Variants in PIK3C2G observed in about 807,000 individuals in gnomAD.
PIK3C2G encodes the protein phosphatidylinositol-4-phosphate 3-kinase catalytic subunit type 2 gamma, also known as phosphatidylinositol 3-kinase C2 domain-containing subunit gamma.
Under a neutral mutation model 181.1 loss-of-function variants are expected in PIK3C2G, and 168 were observed. The observed-to-expected ratio is 0.93, with a 90% CI of 0.82 to 1.05. The LOEUF (loss-of-function observed/expected upper bound fraction) is 1.05, where lower values mean the gene tolerates loss of function less well. PIK3C2G is among the 50% of genes least tolerant of loss of function. The pLI, the probability that PIK3C2G is intolerant of heterozygous loss-of-function variation, is 0.00. For synonymous variants in PIK3C2G, 573 were observed against 592.2 expected (o/e 0.97, Z 0.47); for missense variants, 1,869 against 1,732.8 (o/e 1.08, Z -1.40).
intron 18 of PIK3C2G, among the ~76,000 whole-genome samples, chr12:18,460,291 T>A (rs1282407525): frequency 2.0e-5 from 3 of 152,068 alleles, no homozygotes; most frequent in African/African-American, 7.2e-5. Flanking sequence ...TAAAACTAAT[T>A]GTCCAGGTGC....
chr12:18,509,924 A>G (rs1942099817), intron 24 of PIK3C2G, among the ~76,000 whole-genome samples: 1 of 152,206 alleles, frequency 6.6e-6, no homozygotes, highest in African/African-American at 2.4e-5. Context: ...GAATTTCTCC[A>G]GCTCTCTGAA....
intron 22 of PIK3C2G, among the ~76,000 whole-genome samples, chr12:18,498,041 A>AT (rs1414777154): frequency 6.6e-6 from 1 of 152,032 alleles, no homozygotes; most frequent in Non-Finnish European, 1.5e-5. Flanking sequence ...ACTTACTGTT[A>AT]TTTTTCTCAT....
At chr12:18,524,624 A>ATCG (rs1385201994) in intron 24 of PIK3C2G, among the ~76,000 whole-genome samples, 1 of 150,354 alleles carries the variant, frequency 6.7e-6, no homozygotes, top group African/African-American at 2.5e-5. Flanking sequence ...GAAGTGCAAC[A>ATCG]TCGCAATCTT....
At chr12:18,699,130 CAG>C in the PIK3C2G span, among the ~76,000 whole-genome samples, 1 of 152,230 alleles carries the variant, frequency 6.6e-6, no homozygotes, top group South Asian at 2.1e-4. Context: ...AAGGAAGATG[CAG>C]AGACAGATGG....
chr12:18,457,852 C>T (rs1035944312), intron 18 of PIK3C2G, among the ~76,000 whole-genome samples: 1 of 151,982 alleles, frequency 6.6e-6, no homozygotes, highest in Non-Finnish European at 1.5e-5. Context: ...TTTATAATAA[C>T]CAAAACCTAA....
At chr12:18,543,392 T>A (rs1260356585) in intron 25 of PIK3C2G, among the ~76,000 whole-genome samples, 1 of 152,070 alleles carries the variant, frequency 6.6e-6, no homozygotes, top group Non-Finnish European at 1.5e-5. Flanking sequence ...CTCTTAAGTT[T>A]AATTAGATCC....
chr12:18,281,681 C>T (rs1252051905), intron 1 of PIK3C2G, among the ~76,000 whole-genome samples: 1 of 151,896 alleles, frequency 6.6e-6, no homozygotes, highest in Non-Finnish European at 1.5e-5. Context: ...TTATAGATTT[C>T]CCTCTGTAGT....
chr12:18,361,859 G>A (rs566634405), intron 11 of PIK3C2G, among the ~76,000 whole-genome samples: 1 of 152,238 alleles, frequency 6.6e-6, no homozygotes, highest in African/African-American at 2.4e-5. Context: ...CTGAAGTGTT[G>A]GACATATGCT....
intron 17 of PIK3C2G, among the ~76,000 whole-genome samples, chr12:18,423,171 G>A (rs985685625): frequency 6.6e-6 from 1 of 151,606 alleles, no homozygotes; most frequent in Non-Finnish European, 1.5e-5. Flanking sequence ...GTGTGTGTAA[G>A]AGAGAGAGAC....
chr12:18,325,167 A>T, intron 8 of PIK3C2G, 69 bp downstream of exon 8: 1 of 866,192 alleles, frequency 1.2e-6, no homozygotes, highest in Non-Finnish European at 1.8e-6. Flanking sequence ...TTTTTCTAAA[A>T]CTTTGCAAAT....
At chr12:18,265,677 C>A (rs1395981688) in intron 1 of PIK3C2G, among the ~76,000 whole-genome samples, 1 of 151,886 alleles carries the variant, frequency 6.6e-6, no homozygotes, top group Admixed American at 6.6e-5. Context: ...TTTGGTAATA[C>A]TTTTAACTTT....
intron 31 of PIK3C2G, among the ~76,000 whole-genome samples, chr12:18,616,317 C>T (rs1948606137): frequency 6.6e-6 from 1 of 151,958 alleles, no homozygotes; most frequent in South Asian, 2.1e-4. Flanking sequence ...AAATATTATG[C>T]CCTTAACACA....
At chr12:18,637,641 C>G (rs561303426) in intron 31 of PIK3C2G, among the ~76,000 whole-genome samples, 3 of 152,302 alleles carry the variant, frequency 2.0e-5, no homozygotes, top group Admixed American at 1.3e-4. Flanking sequence ...ATTTAGGTTT[C>G]CCAATTCAGT....
At chr12:18,688,296 T>A in the PIK3C2G span, 1 of 1,463,970 alleles carries the variant, frequency 6.8e-7, no homozygotes, top group South Asian at 1.3e-5. Context: ...TTAAGTTATG[T>A]ATTACAAAAA....
At chr12:18,709,046 T>C in the PIK3C2G span, among the ~76,000 whole-genome samples, 6 of 152,172 alleles carry the variant, frequency 3.9e-5, no homozygotes, top group Non-Finnish European at 7.3e-5. Flanking sequence ...ATTTTTGCTT[T>C]TGTGATCTGA....
intron 9 of PIK3C2G, among the ~76,000 whole-genome samples, chr12:18,338,786 A>G (rs557659959): frequency 1.3e-5 from 2 of 151,778 alleles, no homozygotes; most frequent in South Asian, 2.1e-4. Flanking sequence ...AGATCTGATT[A>G]AACTATAAGA....
chr12:18,462,373 C>T (rs2135941454), intron 18 of PIK3C2G, among the ~76,000 whole-genome samples: 1 of 152,194 alleles, frequency 6.6e-6, no homozygotes, highest in African/African-American at 2.4e-5. Flanking sequence ...ATAGCTAATG[C>T]ACTTCAGAGC....
At chr12:18,264,372 G>T (rs1366072950) in intron 1 of PIK3C2G, among the ~76,000 whole-genome samples, 1 of 151,820 alleles carries the variant, frequency 6.6e-6, no homozygotes, top group Non-Finnish European at 1.5e-5. Flanking sequence ...CTCCCCTTCT[G>T]GTATTTTTCA....
chr12:18,537,684 A>G (rs1387982643), intron 24 of PIK3C2G, among the ~76,000 whole-genome samples: 1 of 152,044 alleles, frequency 6.6e-6, no homozygotes, highest in African/African-American at 2.4e-5. Flanking sequence ...GTGAATTGGT[A>G]ACATCTGCTT....
Sources: gnomAD v4.1 joint callset for allele counts (sites outside exome capture counted in the v4.1 genomes callset) on GRCh38, gnomAD v4.1.1 for gene constraint, MANE v1.5 for transcripts, NCBI Gene and HGNC (gene_info 2026-07-23, HGNC 2026-07-21) for gene names.